Variants in BLK observed in about 807,000 individuals in gnomAD.
BLK encodes BLK proto-oncogene, Src family tyrosine kinase.
Under a neutral mutation model 61.8 loss-of-function variants are expected in BLK, and 64 were observed. The ratio of observed to expected loss-of-function variants is 1.03; its 90% CI spans 0.85 to 1.27. The LOEUF is 1.27. BLK is among the 50% of genes most tolerant of loss of function. The pLI is 0.00. For synonymous variants in BLK, 351 were observed against 272.0 expected (o/e 1.29, Z -2.86); for missense variants, 853 against 660.5 (o/e 1.29, Z -3.19).
intron 2 of BLK, among the ~76,000 whole-genome samples, chr8:11,544,714 A>C (rs6998941): frequency 2.0e-4 from 31 of 152,304 alleles, no homozygotes; most frequent in African/African-American, 7.2e-4. Context: ...TTGCCTCGAG[A>C]CCCTTCTTCC....
At chr8:11,526,926 G>C (rs1055643433) in intron 1 of BLK, among the ~76,000 whole-genome samples, 1 of 152,152 alleles carries the variant, frequency 6.6e-6, no homozygotes, top group Non-Finnish European at 1.5e-5. Flanking sequence ...TTTGCCATTT[G>C]AGGGAGAATT....
chr8:11,552,888 G>GCCCATA (rs1563117185), intron 6 of BLK: 2 of 152,422 alleles, frequency 1.3e-5, no homozygotes, highest in African/African-American at 2.4e-5. Flanking sequence ...ACCACCACAC[G>GCCCATA]CACATACACA....
intron 1 of BLK, among the ~76,000 whole-genome samples, chr8:11,510,338 T>A (rs1798946919): frequency 6.6e-6 from 1 of 152,176 alleles, no homozygotes; most frequent in African/African-American, 2.4e-5. Flanking sequence ...GTGTGGTCTT[T>A]GGCCAGAGAG....
intron 1 of BLK, chr8:11,509,190 G>T (rs1025287793): frequency 3.0e-4 from 45 of 152,180 alleles, no homozygotes; most frequent in African/African-American, 1.1e-3. Context: ...TCTCTCGGTG[G>T]CTGCTGTGGG....
chr8:11,504,367 G>GAAAAGAAAAGA (rs1554540058), intron 1 of BLK, among the ~76,000 whole-genome samples: 19 of 39,376 alleles, frequency 4.8e-4, no homozygotes, highest in African/African-American at 1.1e-3. Flanking sequence ...AAGGAAGGAA[G>GAAAAGAAAAGA]AAAGAAAAGA....
chr8:11,531,300 T>C (rs886736066), intron 1 of BLK, among the ~76,000 whole-genome samples: 2 of 152,218 alleles, frequency 1.3e-5, no homozygotes, highest in Non-Finnish European at 2.9e-5. Context: ...GTGCAGAAGT[T>C]CTTAATTTTG....
At chr8:11,535,273 A>AAAGAAAGAAAG (rs1800075096) in intron 1 of BLK, among the ~76,000 whole-genome samples, 3 of 128,150 alleles carry the variant, frequency 2.3e-5, no homozygotes, top group African/African-American at 8.5e-5. Context: ...AGAAAGAAAG[A>AAAGAAAGAAAG]AAGAAAGAAA....
At chr8:11,544,011 G>T (rs569082209) in intron 2 of BLK, among the ~76,000 whole-genome samples, 1 of 150,960 alleles carries the variant, frequency 6.6e-6, no homozygotes, top group South Asian at 2.1e-4. Flanking sequence ...TGCCCAGGCT[G>T]GAGTGCAGTG....
chr8:11,497,068 C>T (rs1001600750), intron 1 of BLK, among the ~76,000 whole-genome samples: 7 of 152,088 alleles, frequency 4.6e-5, no homozygotes, highest in Non-Finnish European at 1.0e-4. Flanking sequence ...AGCGGGTGAG[C>T]CCTACTCAAA....
intron 1 of BLK, chr8:11,509,172 CA>C (rs1355517342): frequency 5.3e-5 from 8 of 152,186 alleles, no homozygotes; most frequent in African/African-American, 1.9e-4. Flanking sequence ...GAAAAGTTGG[CA>C]ATCCTCTCTC....
intron 1 of BLK, among the ~76,000 whole-genome samples, chr8:11,508,904 C>T (rs999183960): frequency 2.6e-5 from 4 of 152,182 alleles, no homozygotes; most frequent in African/African-American, 9.7e-5. Flanking sequence ...GCCTGCCCAT[C>T]CACTGAGAGC....
Position 11,564,375 on chromosome 8 carries a change from C to A in BLK, c.*267C>A, listed in dbSNP as rs1219532379. ...CGCACGGTCATCCGGAGTACTAAGC[C>A]CCAGTAAGGTGTTCAGGACTGGTAA... On this transcript the variant is annotated 3_prime_UTR_variant, in exon 13 of 13. Transcript: ENST00000259089. The A allele has an allele frequency of 4.4e-6, 3 of 680,498 alleles. No individual in the cohort carries two copies. Among genetic ancestry groups the A allele is most frequent in the Non-Finnish European group, 8.1e-6 (3 of 371,164 alleles). The allele number at this position is 680,498 out of a possible 1,614,324, so 42.2% of individuals were successfully genotyped here.
At chr8:11,539,424 T>C (rs558498787) in intron 1 of BLK, among the ~76,000 whole-genome samples, 6 of 152,330 alleles carry the variant, frequency 3.9e-5, no homozygotes, top group South Asian at 4.1e-4. Context: ...GGCAGTTACA[T>C]TGTTGTTTTC....
intron 3 of BLK, among the ~76,000 whole-genome samples, chr8:11,546,406 A>G (rs1177515089): frequency 1.3e-5 from 2 of 152,228 alleles, no homozygotes; most frequent in Non-Finnish European, 2.9e-5. Context: ...CCCAAGTTTT[A>G]AAATATGCTA....
At position 11,564,466 on chromosome 8, in the gene BLK, C is replaced by G. The variant is rs1455365640; in HGVS notation, c.*358C>G. The stretch of plus-strand genomic sequence containing the variant: ...CGTGCTGGCCGCGTCCCCGCCTCTG[C>G]GCCCTGCGTGGACCCCGCCCTGCCC... On this transcript the variant is annotated 3_prime_UTR_variant, in exon 13 of 13. Coordinates refer to ENST00000259089, the MANE Select transcript of BLK (RefSeq NM_001715.3). 1.8e-6 allele frequency: 1 copy of G among 542,150 alleles called. No individual in the cohort carries two copies. The highest frequency in any genetic ancestry group is 2.2e-5 in the Admixed American group (1 of 44,880). The allele number at this position is 542,150 out of a possible 1,614,324, so 33.6% of individuals were successfully genotyped here. A position where few individuals can be genotyped will look rare whatever the true frequency, so the allele number is the denominator to read the frequency against.
At chr8:11,530,960 C>A (rs1799860790) in intron 1 of BLK, among the ~76,000 whole-genome samples, 1 of 152,236 alleles carries the variant, frequency 6.6e-6, no homozygotes, top group African/African-American at 2.4e-5. Flanking sequence ...ACCTTACCAT[C>A]AGCCTCAGGT....
chr8:11,562,645 C>A (rs1483428802), intron 11 of BLK, among the ~76,000 whole-genome samples: 1 of 152,222 alleles, frequency 6.6e-6, no homozygotes, highest in Non-Finnish European at 1.5e-5. Flanking sequence ...TAAACAAGGC[C>A]CCTGTAAGGT....
chr8:11,525,476 A>G (rs1237659962), intron 1 of BLK, among the ~76,000 whole-genome samples: 1 of 37,554 alleles, frequency 2.7e-5, no homozygotes, highest in African/African-American at 1.2e-4. Flanking sequence ...CATACAAAAC[A>G]TTCTGCAATT....
In BLK at chr8:11,560,697, G is replaced by A. The variant is rs1346472797; in HGVS notation, c.1030-605G>A. The A allele has an allele frequency of 1.6e-5, 6 of 369,972 alleles. No individual in the cohort carries two copies. The Admixed American group carries it at 1.9e-4, about 12-fold the overall frequency. 22.9% of individuals were successfully genotyped at this position (369,972 alleles called of 1,614,324 possible). A position where few individuals can be genotyped will look rare whatever the true frequency, so the allele number is the denominator to read the frequency against. On this transcript the variant is annotated intron_variant, in intron 10 of 12. Coordinates refer to ENST00000259089, the MANE Select transcript of BLK (RefSeq NM_001715.3). Reference sequence around the variant, plus strand: ...AGCCTCTGTCCACCTGGATCTGCCAGTGCTCCCTGGGTGCCCCCACGGGGC... The same window carrying A: ...AGCCTCTGTCCACCTGGATCTGCCAATGCTCCCTGGGTGCCCCCACGGGGC...
Sources: allele counts gnomAD v4.1 joint callset (sites outside exome capture counted in the v4.1 genomes callset), GRCh38; gene constraint gnomAD v4.1.1; transcripts MANE v1.5; gene names NCBI Gene and HGNC (gene_info 2026-07-23, HGNC 2026-07-21).